TLE2: variants seen among roughly 807,000 people sequenced by gnomAD.
The protein encoded by TLE2 is TLE family member 2, transcriptional corepressor.
A neutral mutation model predicts 97.2 loss-of-function variants in TLE2; 74 were observed. The ratio of observed to expected loss-of-function variants is 0.76; its 90% CI spans 0.63 to 0.92. The LOEUF (loss-of-function observed/expected upper bound fraction) is 0.92. Ranked by LOEUF, TLE2 falls within the 40% of genes least tolerant of loss-of-function variation. The pLI is 0.00. For missense variants in TLE2, 1,038 were observed against 1,008.7 expected (o/e 1.03, Z -0.39); for synonymous variants, 499 against 432.1 (o/e 1.15, Z -1.92).
At chr19:3,037,113 G>A (rs1173797909) in intron 1 of TLE2, among the ~76,000 whole-genome samples, 1 of 152,040 alleles carries the variant, frequency 6.6e-6, no homozygotes, top group Admixed American at 6.6e-5. Flanking sequence ...AGTGAAACCC[G>A]GTCTTTACTA....
rs1221787075 is a variant in TLE2, at chr19:2,997,674, T to TC, written c.*173dup. 5.2e-5 allele frequency: 30 copies of TC among 582,300 alleles called. No homozygotes were observed. The East Asian group carries it at 7.8e-4, about 15-fold the overall frequency. The allele number at this position is 582,300 out of a possible 1,614,324, so 36.1% of individuals were successfully genotyped here. ...TAGATACATTTTATTTCCACCGAGG[T>TC]CCCCTGCCCATCGGCCCCCACATGC... On this transcript the variant is annotated 3_prime_UTR_variant, in exon 20 of 20. Transcript: ENST00000262953.
chr19:3,001,791 CTTTTTT>C (rs562875053), intron 18 of TLE2, among the ~76,000 whole-genome samples: 2 of 111,422 alleles, frequency 1.8e-5, no homozygotes, highest in East Asian at 2.6e-4. Flanking sequence ...TCTTTTCTTT[CTTTTTT>C]TTTTTTTTTT....
upstream of TLE2, among the ~76,000 whole-genome samples, chr19:3,031,774 T>C (rs971957249): frequency 2.6e-5 from 4 of 152,100 alleles, no homozygotes; most frequent in Admixed American, 1.3e-4. Context: ...CCTTGCTTCT[T>C]ATCATTCAAG....
upstream of TLE2, among the ~76,000 whole-genome samples, chr19:3,031,582 G>A (rs994637072): frequency 2.6e-5 from 4 of 151,426 alleles, no homozygotes; most frequent in Non-Finnish European, 4.4e-5. Flanking sequence ...CTCCCACCTC[G>A]GCCTCCCAAA....
chr19:3,041,002 T>TATATAC, intron 1 of TLE2, among the ~76,000 whole-genome samples: 1 of 33,966 alleles, frequency 2.9e-5, no homozygotes, highest in African/African-American at 1.8e-4. Context: ...TATATATATA[T>TATATAC]ATATATATAT....
intron 1 of TLE2, among the ~76,000 whole-genome samples, chr19:3,035,494 G>A (rs2090055151): frequency 6.6e-6 from 1 of 151,824 alleles, no homozygotes; most frequent in Admixed American, 6.6e-5. Context: ...TCAGCCCCTG[G>A]TTCCTGGCTA....
chr19:3,019,838 G>A lies in TLE2; in HGVS notation c.295-65C>T. The A allele has an allele frequency of 1.3e-6, 2 of 1,555,924 alleles. No homozygotes were observed. Among genetic ancestry groups the A allele is most frequent in the African/African-American group, 1.4e-5 (1 of 73,722 alleles). ...CCCTGCTCATGCTAGCGGTGCCCTT[G>A]GGGACCTGACCTCTCCCCGCCACCC... On this transcript the variant is annotated intron_variant, in intron 5 of 19. Coordinates refer to ENST00000262953, the MANE Select transcript of TLE2 (RefSeq NM_003260.5). This position sits in a 1 kb window ranked among gnomAD's most constrained non-coding sequence, Gnocchi z 5.1.
intron 11 of TLE2, among the ~76,000 whole-genome samples, chr19:3,013,395 G>GC (rs1055100683): frequency 5.9e-5 from 9 of 152,174 alleles, no homozygotes; most frequent in Non-Finnish European, 1.0e-4. Context: ...CCTATTGATT[G>GC]CAAGAGAGAG....
At position 3,017,831 on chromosome 19, in the gene TLE2, C is replaced by T. The variant is rs368759578; in HGVS notation, c.570+9G>A. ...ATATAAAAAGAGTCCCAGGGTGCCA[C>T]TCACTTACCCTGCTCGGGGCTCTCT... On this transcript the variant is annotated intron_variant, in intron 8 of 19. Coordinates refer to ENST00000262953, the MANE Select transcript of TLE2 (RefSeq NM_003260.5). 11 of 1,610,826 alleles carry T rather than the reference C, an allele frequency of 6.8e-6. No homozygotes were observed. Among genetic ancestry groups the T allele is most frequent in the Non-Finnish European group, 8.5e-6 (10 of 1,178,680 alleles).
chr19:2,999,471 T>G (rs1831844993), intron 19 of TLE2, among the ~76,000 whole-genome samples: 1 of 151,998 alleles, frequency 6.6e-6, no homozygotes, highest in Non-Finnish European at 1.5e-5. Context: ...CTCACACCTG[T>G]AATCCCAGCA....
At position 3,006,612 on chromosome 19, in the gene TLE2, C is replaced by A. The variant is rs1439378166; in HGVS notation, c.1308G>T (p.Ser436=). ...DGQMQPVPFP[S]DALVGAGIPR... ...GGATGCCCGCGCCTACCAGTGCATC[C>A]GAGGGGAAGGGAACCGGCTGCATCT... The change falls in exon 15 of 20, where the codon TCG becomes TCT. Residue 436 remains serine, a synonymous_variant. Transcript: ENST00000262953. 6.2e-7 allele frequency: 1 copy of A among 1,610,636 alleles called. No individual in the cohort carries two copies.
chr19:3,031,919 TTTTG>T (rs1373499087), upstream of TLE2, among the ~76,000 whole-genome samples: 1 of 151,962 alleles, frequency 6.6e-6, no homozygotes, highest in Non-Finnish European at 1.5e-5. Context: ...GTGTGTGGCT[TTTTG>T]TTTGTTTTTG....
upstream of TLE2, among the ~76,000 whole-genome samples, chr19:3,032,522 GCCA>G (rs2090033195): frequency 1.3e-5 from 2 of 152,144 alleles, no homozygotes; most frequent in African/African-American, 4.8e-5. The surrounding 1 kb of genome is among the most constrained non-coding windows in gnomAD (Gnocchi z 4.1). Context: ...ACAGGCTTGA[GCCA>G]CCGTGCCCAG....
rs914570611 is a variant in TLE2 at position 3,014,099 on chromosome 19, T to C, written c.724-281A>G. On this transcript the variant is annotated intron_variant, in intron 10 of 19. Transcript: ENST00000262953. ...CATCCAGCTAATTTTTTTGTATTTT[T>C]AGTAGAGACAAGGTTTCACCATGTT... Among the ~76,000 whole-genome samples the C allele has an allele frequency of 7.2e-5, 11 of 152,096 alleles. No homozygotes were observed. The East Asian group carries it at 2.1e-3, about 29-fold the overall frequency.
intron 1 of TLE2, among the ~76,000 whole-genome samples, chr19:3,042,838 A>T (rs979000828): frequency 1.3e-5 from 2 of 151,950 alleles, no homozygotes; most frequent in East Asian, 1.9e-4. Flanking sequence ...ATGAAAGGAA[A>T]TTTTTTTTAA....
chr19:3,032,412 GT>G (rs2090032426), upstream of TLE2, among the ~76,000 whole-genome samples: 1 of 151,770 alleles, frequency 6.6e-6, no homozygotes, highest in South Asian at 2.1e-4. This position sits in a 1 kb window ranked among gnomAD's most constrained non-coding sequence, Gnocchi z 4.1. Flanking sequence ...TAATTTTTAT[GT>G]TTTTAGTAGA....
rs539512132 is a variant in TLE2 at position 3,001,704 on chromosome 19, G to A, written c.2047+649C>T. 3.8e-4 allele frequency among the ~76,000 whole-genome samples: 58 copies of A among 151,568 alleles called. 1 individual carries two copies. The South Asian group carries it at 0.011, about 29-fold the overall frequency. Reference sequence around the variant, plus strand: ...TGCCCAGGCTGGTCTTGAACTCCTGGTCTTGGGCGATCCTTCTGCCTTAGC... The same window carrying A: ...TGCCCAGGCTGGTCTTGAACTCCTGATCTTGGGCGATCCTTCTGCCTTAGC... On this transcript the variant is annotated intron_variant, in intron 18 of 19. Coordinates refer to ENST00000262953, the MANE Select transcript of TLE2 (RefSeq NM_003260.5).
rs796339147 is a variant in TLE2, at chr19:2,998,275, G to GTGTA, written c.2125-321_2125-320insTACA. 4.3e-3 allele frequency among the ~76,000 whole-genome samples: 469 copies of GTGTA among 110,338 alleles called. 15 individuals carry two copies. The highest frequency in any genetic ancestry group is 0.012 in the African/African-American group (420 of 35,776). The allele number at this position is 110,338 out of a possible 152,430, so 72.4% of individuals were successfully genotyped here. ...TGTGTGTGTGTGTGTGTGTGTGTGT[G>GTGTA]TAATTTTTTTTTTTTTTTGTGAGAC... On this transcript the variant is annotated intron_variant, in intron 19 of 19. Coordinates refer to ENST00000262953, the MANE Select transcript of TLE2 (RefSeq NM_003260.5).
chr19:3,025,053 G>A lies in TLE2; in HGVS notation c.261C>T (p.Ile87=). The change falls in exon 5 of 20, where the codon ATC becomes ATT. Residue 87 remains isoleucine, a synonymous_variant. Coordinates refer to ENST00000262953, the MANE Select transcript of TLE2 (RefSeq NM_003260.5). The stretch of plus-strand genomic sequence containing the variant: ...TCAGGAAGGGGATAATCTGAGCGCA[G>A]ATACCGCTCAGACGCTTCACAATCT... ...QAEIVKRLSG[I]CAQIIPFLTQ... 6.2e-7 allele frequency: 1 copy of A among 1,605,476 alleles called. No homozygotes were observed. The highest frequency in any genetic ancestry group is 8.5e-7 in the Non-Finnish European group (1 of 1,176,296).
Sources: allele counts gnomAD v4.1 joint callset (sites outside exome capture counted in the v4.1 genomes callset), GRCh38; gene constraint gnomAD v4.1.1; non-coding constraint Gnocchi (gnomAD v3.1); transcripts MANE v1.5; gene names NCBI Gene and HGNC (gene_info 2026-07-23, HGNC 2026-07-21).